Variants in MYRFL observed in about 807,000 individuals in gnomAD.
MYRFL encodes the protein myelin regulatory factor-like protein.
MYRFL carries 88 observed loss-of-function variants against 109.4 expected under a neutral mutation model. That is an observed-to-expected ratio of 0.80 (90% CI 0.68 to 0.96). MYRFL has a LOEUF of 0.96. Ranked by LOEUF, MYRFL falls within the 40% of genes least tolerant of loss-of-function variation. The pLI is 0.00. For synonymous variants in MYRFL, 324 were observed against 320.9 expected (o/e 1.01, Z -0.10); for missense variants, 957 against 954.9 (o/e 1.00, Z -0.03).
At chr12:69,948,341 T>TAA in intron 19 of MYRFL, among the ~76,000 whole-genome samples, 1 of 152,216 alleles carries the variant, frequency 6.6e-6, no homozygotes, top group South Asian at 2.1e-4. Flanking sequence ...TGCTGTTTTT[T>TAA]AAAAAAAACC....
chr12:69,892,676 C>T (rs1331826868), intron 7 of MYRFL, among the ~76,000 whole-genome samples: 1 of 152,020 alleles, frequency 6.6e-6, no homozygotes, highest in East Asian at 1.9e-4. Flanking sequence ...AAAAACAAAA[C>T]AAAACAAAAA....
At chr12:69,884,772 G>T (rs1886342212) in intron 5 of MYRFL, among the ~76,000 whole-genome samples, 1 of 152,182 alleles carries the variant, frequency 6.6e-6, no homozygotes, top group African/African-American at 2.4e-5. Context: ...ATAGCTGAAG[G>T]CACCATTGTT....
chr12:69,840,707 C>T (rs1883196674), intron 1 of MYRFL, among the ~76,000 whole-genome samples: 1 of 152,102 alleles, frequency 6.6e-6, no homozygotes, highest in African/African-American at 2.4e-5. Context: ...GGCAGCTGAA[C>T]AGGAAAGGCA....
intron 21 of MYRFL, 39 bp from the exon 22 acceptor site, chr12:69,955,324 A>G (rs1043539234): frequency 3.4e-5 from 21 of 610,398 alleles, no homozygotes; most frequent in Non-Finnish European, 4.3e-5. Flanking sequence ...ACTTTCCTGC[A>G]TATTTTGATT....
intron 8 of MYRFL, 148 bp downstream of exon 8, chr12:69,893,988 A>ATT: frequency 1.3e-5 from 2 of 153,068 alleles, no homozygotes; most frequent in Non-Finnish European, 1.2e-5. Context: ...TAATAATGTT[A>ATT]ATTTTTTTTT....
chr12:69,871,595 A>G (rs549124184), intron 2 of MYRFL, among the ~76,000 whole-genome samples: 6 of 152,212 alleles, frequency 3.9e-5, no homozygotes, highest in Admixed American at 2.0e-4. Flanking sequence ...TTTTTGCTGT[A>G]TACACTTGAA....
chr12:69,862,797 G>A (rs935295068), intron 2 of MYRFL, among the ~76,000 whole-genome samples: 4 of 152,204 alleles, frequency 2.6e-5, no homozygotes, highest in African/African-American at 9.6e-5. Context: ...TTGAATAGGA[G>A]TGGTGAGAGA....
intron 1 of MYRFL, among the ~76,000 whole-genome samples, chr12:69,839,155 C>T (rs559885473): frequency 1.6e-4 from 25 of 152,272 alleles, no homozygotes; most frequent in African/African-American, 5.5e-4. Context: ...CAGGCACACC[C>T]ACCTTCTTTC....
rs991226291 is a variant in MYRFL at position 69,848,480 on chromosome 12, A to G, written c.47-6800A>G. On this transcript the variant is annotated intron_variant, in intron 1 of 24. Coordinates refer to ENST00000552032, the MANE Select transcript of MYRFL (RefSeq NM_182530.3). ...TTTTAGAGTTTCTTCTTTTGATTTA[A>G]TTTTATTCCTGACAATTATATTCCT... 2.6e-5 allele frequency among the ~76,000 whole-genome samples: 4 copies of G among 151,960 alleles called. No individual in the cohort carries two copies. In the East Asian group the frequency reaches 7.7e-4, roughly 29 times the overall value.
chr12:69,884,095 A>C (rs1366833012), intron 5 of MYRFL, among the ~76,000 whole-genome samples: 1 of 152,192 alleles, frequency 6.6e-6, no homozygotes, highest in East Asian at 1.9e-4. Context: ...AAAGTATAAA[A>C]TAGTGTACTT....
At chr12:69,839,010 A>G (rs896564351) in intron 1 of MYRFL, among the ~76,000 whole-genome samples, 1 of 152,222 alleles carries the variant, frequency 6.6e-6, no homozygotes, top group African/African-American at 2.4e-5. Flanking sequence ...GCAGTCATTT[A>G]TTCTTTACCC....
intron 1 of MYRFL, among the ~76,000 whole-genome samples, chr12:69,830,158 C>T (rs1882539649): frequency 1.3e-5 from 2 of 151,926 alleles, no homozygotes; most frequent in African/African-American, 4.8e-5. Flanking sequence ...GGATCAAAAG[C>T]AGCAGAAAGA....
At position 69,932,615 on chromosome 12, in the gene MYRFL, T is replaced by G; in HGVS notation, c.1916+17T>G. On this transcript the variant is annotated intron_variant, in intron 16 of 24. Coordinates refer to ENST00000552032, the MANE Select transcript of MYRFL (RefSeq NM_182530.3). The stretch of plus-strand genomic sequence containing the variant: ...GGCATTTTGGTAAGAAAAAGTTCAC[T>G]GTTATGCCATGTCAAGCTCTTTTGT... 1 of 1,501,226 alleles carries G rather than the reference T, an allele frequency of 6.7e-7. No homozygotes were observed. The highest frequency in any genetic ancestry group is 2.5e-5 in the East Asian group (1 of 40,746). The allele number at this position is 1,501,226 out of a possible 1,614,324, so 93.0% of individuals were successfully genotyped here. A position where few individuals can be genotyped will look rare whatever the true frequency, so the allele number is the denominator to read the frequency against.
Position 69,910,827 on chromosome 12 carries a change from T to G in MYRFL, c.1499T>G (p.Ile500Ser). ...TGGAGTGTTTTGTATACAGGAATGA[T>G]TGCCCAGGAGGTGCAAGAAATCCTG... is the stretch of plus-strand genomic sequence containing the variant. ...GINTAHQTGM[I>S]AQEVQEILPR... The change falls in exon 13 of 25, where the codon ATT (isoleucine) becomes AGT (serine). Residue 500 changes from isoleucine (I) to serine (S), a missense_variant. Ile to Ser is a moderately radical substitution (Grantham distance 142). Coordinates refer to ENST00000552032, the MANE Select transcript of MYRFL (RefSeq NM_182530.3). 2 of 1,534,380 alleles carry G rather than the reference T, an allele frequency of 1.3e-6. No homozygotes were observed. Among genetic ancestry groups the G allele is most frequent in the Non-Finnish European group, 1.7e-6 (2 of 1,145,614 alleles).
intron 19 of MYRFL, among the ~76,000 whole-genome samples, chr12:69,939,133 C>G (rs987531689): frequency 3.3e-5 from 5 of 152,342 alleles, no homozygotes; most frequent in African/African-American, 9.6e-5. Context: ...CCACCATTGC[C>G]CAGGCTTGCT....
At chr12:69,867,034 A>G (rs1885057063) in intron 2 of MYRFL, among the ~76,000 whole-genome samples, 1 of 152,244 alleles carries the variant, frequency 6.6e-6, no homozygotes, top group Admixed American at 6.5e-5. Flanking sequence ...TGTATAAGGC[A>G]TGTATGCAGA....
rs112749436 is a variant in MYRFL, at chr12:69,907,614, C to G, written c.1384-2355C>G. 2.7e-3 allele frequency among the ~76,000 whole-genome samples: 412 copies of G among 152,318 alleles called. 2 individuals are homozygous for G. The highest frequency in any genetic ancestry group is 9.6e-3 in the African/African-American group (398 of 41,568). On this transcript the variant is annotated intron_variant, in intron 11 of 24. Transcript: ENST00000552032. ...GGCTGGCTCCTGATTGACCCTCTCT[C>G]TTCAATTCTCTTCATGTCAGGGATT...
intron 5 of MYRFL, among the ~76,000 whole-genome samples, chr12:69,885,318 C>CTT (rs60396919): frequency 6.8e-5 from 10 of 147,614 alleles, no homozygotes; most frequent in African/African-American, 1.5e-4. Flanking sequence ...AAGAGAAATA[C>CTT]TTTTTTTTTT....
chr12:69,880,903 AGAAGTCTTTCATCCGAGTCATCTAAT>A, intron 5 of MYRFL, among the ~76,000 whole-genome samples: 1 of 145,888 alleles, frequency 6.9e-6, no homozygotes, highest in Admixed American at 6.9e-5. Flanking sequence ...AAATCATTTT[AGAAGTCTTTCATCCGAGTCATCTAAT>A]GTCCAAGCGG....
Sources: gnomAD v4.1 joint callset for allele counts (sites outside exome capture counted in the v4.1 genomes callset) on GRCh38, gnomAD v4.1.1 for gene constraint, MANE v1.5 for transcripts, NCBI Gene and HGNC (gene_info 2026-07-23, HGNC 2026-07-21) for gene names.